Variants in DLG2 observed in about 807,000 individuals in gnomAD.
DLG2 encodes discs large MAGUK scaffold protein 2.
A neutral mutation model predicts 132.5 loss-of-function variants in DLG2; 45 were observed. That is an observed-to-expected ratio of 0.34 (90% CI 0.27 to 0.44). The LOEUF (loss-of-function observed/expected upper bound fraction) is 0.44, where lower values mean the gene tolerates loss of function less well. Ranked by LOEUF, DLG2 falls within the 20% of genes least tolerant of loss-of-function variation. The pLI is 1.00. For synonymous variants in DLG2, 424 were observed against 419.6 expected, an observed-to-expected ratio of 1.01 and a Z score of -0.13; for missense variants, 1,045 against 1,196.9, an observed-to-expected ratio of 0.87 and a Z score of 1.87.
At chr11:84,313,438 A>G (rs2098312861) in intron 7 of DLG2, among the ~76,000 whole-genome samples, 1 of 151,658 alleles carries the variant, frequency 6.6e-6, no homozygotes, top group Admixed American at 6.6e-5. Flanking sequence ...TTATACACAC[A>G]AGGCCTGACA....
chr11:84,035,361 A>G (rs1183754592), intron 11 of DLG2, among the ~76,000 whole-genome samples: 3 of 152,212 alleles, frequency 2.0e-5, no homozygotes, highest in Admixed American at 2.0e-4. Context: ...TCTAGTGTAC[A>G]CAAATACATA....
At chr11:84,791,602 C>T (rs1192025216) in intron 6 of DLG2, among the ~76,000 whole-genome samples, 2 of 151,968 alleles carry the variant, frequency 1.3e-5, no homozygotes, top group East Asian at 1.9e-4. Context: ...TTTTTGTGTT[C>T]TCTTAAATTT....
chr11:85,427,953 C>T (rs1361204608), intron 3 of DLG2, among the ~76,000 whole-genome samples: 1 of 151,530 alleles, frequency 6.6e-6, no homozygotes, highest in Non-Finnish European at 1.5e-5. Context: ...AAATGGAAAA[C>T]AAAAAAAGGC....
At chr11:83,861,550 G>A (rs1429096102) in intron 16 of DLG2, among the ~76,000 whole-genome samples, 3 of 152,106 alleles carry the variant, frequency 2.0e-5, no homozygotes, top group Non-Finnish European at 4.4e-5. Context: ...AAAAGAATGA[G>A]AATCCAGTCA....
At chr11:84,217,146 A>G (rs2096846411) in intron 8 of DLG2, among the ~76,000 whole-genome samples, 1 of 152,210 alleles carries the variant, frequency 6.6e-6, no homozygotes, top group Non-Finnish European at 1.5e-5. Context: ...ATTTCTGTCC[A>G]TTCTCTGGTA....
chr11:84,424,467 T>A lies in DLG2; in HGVS notation c.519+110103A>T, dbSNP rs2098960294. On this transcript the variant is annotated intron_variant, in intron 7 of 27. Transcript: ENST00000376104. ...TTCATTTAAAAAAAAACTTAGGTAA[T>A]ACCTGTTATTCAAAAATATTTACTC... 2.0e-5 allele frequency among the ~76,000 whole-genome samples: 3 copies of A among 152,050 alleles called. No homozygotes were observed. In the South Asian group the frequency reaches 6.2e-4, roughly 31 times the overall value.
Position 84,934,325 on chromosome 11 carries a change from G to A in DLG2, c.357+177336C>T, listed in dbSNP as rs187823216. Among the ~76,000 whole-genome samples, 791 of 151,758 alleles carry A rather than the reference G, an allele frequency of 5.2e-3. 5 individuals carry two copies. The highest frequency in any genetic ancestry group is 0.017 in the African/African-American group (724 of 41,418). On this transcript the variant is annotated intron_variant, in intron 6 of 27. Coordinates refer to ENST00000376104, the MANE Select transcript of DLG2 (RefSeq NM_001142699.3). ...CAATGTTCATCAAGAATATTGGCCT[G>A]AAGTTTTCTTTTTTTAATGTTCTTT...
intron 3 of DLG2, among the ~76,000 whole-genome samples, chr11:85,297,744 G>A (rs525820): frequency 0.011 from 1,689 of 152,174 alleles, 106 homozygotes; most frequent in Admixed American, 0.1. Context: ...AGCTACAGTG[G>A]TCCAGAGCAG....
intron 7 of DLG2, among the ~76,000 whole-genome samples, chr11:84,347,141 A>G (rs1207616026): frequency 6.6e-6 from 1 of 152,120 alleles, no homozygotes; most frequent in Non-Finnish European, 1.5e-5. Flanking sequence ...AATGATATGG[A>G]AAGTGTCACC....
intron 15 of DLG2, among the ~76,000 whole-genome samples, chr11:83,921,734 A>G (rs749850696): frequency 6.6e-6 from 1 of 152,172 alleles, no homozygotes; most frequent in Non-Finnish European, 1.5e-5. Context: ...TTGCTACCCA[A>G]TAATTTGATG....
intron 6 of DLG2, among the ~76,000 whole-genome samples, chr11:84,645,775 T>C (rs778363975): frequency 6.6e-6 from 1 of 152,084 alleles, no homozygotes; most frequent in Non-Finnish European, 1.5e-5. Flanking sequence ...CCCATAGTTA[T>C]ATTTAATAAT....
At chr11:84,490,003 C>T (rs2099160672) in intron 7 of DLG2, among the ~76,000 whole-genome samples, 1 of 151,992 alleles carries the variant, frequency 6.6e-6, no homozygotes, top group Non-Finnish European at 1.5e-5. Flanking sequence ...AAGATATTTT[C>T]AGAAGTGTTT....
At chr11:84,055,696 A>T (rs1006715835) in intron 11 of DLG2, among the ~76,000 whole-genome samples, 3 of 152,112 alleles carry the variant, frequency 2.0e-5, no homozygotes, top group Non-Finnish European at 4.4e-5. Flanking sequence ...CTTAAGTGAC[A>T]CTTGCTTACA....
chr11:85,408,986 A>T (rs2089056456), intron 3 of DLG2, among the ~76,000 whole-genome samples: 1 of 151,944 alleles, frequency 6.6e-6, no homozygotes, highest in Non-Finnish European at 1.5e-5. Flanking sequence ...CTGAGCTCTT[A>T]TGACAACTTA....
chr11:83,753,280 G>T (rs2153740416), intron 18 of DLG2, among the ~76,000 whole-genome samples: 1 of 152,084 alleles, frequency 6.6e-6, no homozygotes, highest in East Asian at 1.9e-4. Context: ...AAAATTAGCT[G>T]GGCGTGGTGG....
chr11:83,510,274 A>C (rs191527308), intron 21 of DLG2, among the ~76,000 whole-genome samples: 2 of 141,486 alleles, frequency 1.4e-5, no homozygotes, highest in Admixed American at 1.4e-4. Flanking sequence ...ACCCCCTTGG[A>C]TGTTGACTCA....
At chr11:85,144,628 A>C (rs982699375) in intron 5 of DLG2, among the ~76,000 whole-genome samples, 4 of 151,886 alleles carry the variant, frequency 2.6e-5, no homozygotes, top group Non-Finnish European at 4.4e-5. Flanking sequence ...CTTGCAAATA[A>C]TATCTTGTAA....
intron 7 of DLG2, among the ~76,000 whole-genome samples, chr11:84,478,429 A>C (rs2099127630): frequency 6.6e-6 from 1 of 152,090 alleles, no homozygotes; most frequent in Admixed American, 6.5e-5. Context: ...GTATCCATCA[A>C]TTTCATCGGC....
intron 6 of DLG2, among the ~76,000 whole-genome samples, chr11:84,863,437 A>G: frequency 6.6e-6 from 1 of 152,166 alleles, no homozygotes; most frequent in East Asian, 1.9e-4. Flanking sequence ...TGTGACATAT[A>G]TTAATTTGTT....
Sources: allele counts gnomAD v4.1 joint callset (sites outside exome capture counted in the v4.1 genomes callset), GRCh38; gene constraint gnomAD v4.1.1; transcripts MANE v1.5; gene names NCBI Gene and HGNC (gene_info 2026-07-23, HGNC 2026-07-21).